RFX3: variants seen among roughly 807,000 people sequenced by gnomAD.
RFX3 encodes regulatory factor X3, also known as transcription factor RFX3.
Under a neutral mutation model 98.6 loss-of-function variants are expected in RFX3, and 14 were observed. The ratio of observed to expected loss-of-function variants is 0.14; its 90% CI spans 0.09 to 0.22. The LOEUF is 0.22. Ranked by LOEUF, RFX3 falls within the 10% of genes least tolerant of loss-of-function variation. RFX3 has a pLI of 1.00. For synonymous variants in RFX3, 383 were observed against 328.4 expected, an observed-to-expected ratio of 1.17 and a Z score of -1.80; for missense variants, 639 against 926.9, an observed-to-expected ratio of 0.69 and a Z score of 4.03.
intron 1 of RFX3, among the ~76,000 whole-genome samples, chr9:3,415,221 A>T (rs898179673): frequency 6.9e-6 from 1 of 145,256 alleles, no homozygotes; most frequent in Non-Finnish European, 1.5e-5. Context: ...ATACTCATAT[A>T]TATATATATA....
At chr9:3,498,504 A>T (rs1425980956) in intron 1 of RFX3, among the ~76,000 whole-genome samples, 6 of 152,078 alleles carry the variant, frequency 3.9e-5, no homozygotes, top group African/African-American at 1.4e-4. Context: ...TCTAAAAAGC[A>T]TTATTTTGCT....
chr9:3,470,067 C>G (rs796427440), intron 1 of RFX3, among the ~76,000 whole-genome samples: 1 of 152,194 alleles, frequency 6.6e-6, no homozygotes, highest in African/African-American at 2.4e-5. Context: ...AAAAATCAAA[C>G]ACATCTCAGA....
intron 2 of RFX3, among the ~76,000 whole-genome samples, chr9:3,374,349 A>C (rs1838210671): frequency 1.3e-5 from 2 of 152,220 alleles, no homozygotes; most frequent in African/African-American, 4.8e-5. Context: ...AATTGAAAGC[A>C]GAGCCTAAAA....
At chr9:3,462,107 G>A (rs925656473) in intron 1 of RFX3, among the ~76,000 whole-genome samples, 6 of 151,708 alleles carry the variant, frequency 4.0e-5, no homozygotes, top group Admixed American at 6.6e-5. Context: ...GTTTAAAAAA[G>A]AAAAAAGTGA....
At chr9:3,246,805 T>C (rs1820738837) in intron 15 of RFX3, among the ~76,000 whole-genome samples, 1 of 152,118 alleles carries the variant, frequency 6.6e-6, no homozygotes, top group Non-Finnish European at 1.5e-5. Context: ...CACACATATA[T>C]TTGGCATCAT....
chr9:3,419,427 C>A (rs920632124), intron 1 of RFX3, among the ~76,000 whole-genome samples: 1 of 152,016 alleles, frequency 6.6e-6, no homozygotes, highest in Non-Finnish European at 1.5e-5. Flanking sequence ...CTTAAAAATA[C>A]CATATTTTAA....
chr9:3,504,961 A>G (rs1816755279), intron 1 of RFX3, among the ~76,000 whole-genome samples: 1 of 79,428 alleles, frequency 1.3e-5, no homozygotes, highest in Non-Finnish European at 2.2e-5. Context: ...TATATATTAT[A>G]TATAATATAT....
intron 1 of RFX3, among the ~76,000 whole-genome samples, chr9:3,504,755 A>C (rs1170233012): frequency 1.0e-5 from 1 of 99,862 alleles, no homozygotes; most frequent in Non-Finnish European, 1.7e-5. Flanking sequence ...ATTGTATATA[A>C]AATATATGCT....
At chr9:3,256,922 A>G in intron 14 of RFX3, 69 bp downstream of exon 14, 1 of 1,394,520 alleles carries the variant, frequency 7.2e-7, no homozygotes. Context: ...ACAGAAGCAT[A>G]TACAAACACA....
At chr9:3,500,141 A>G (rs1192982083) in intron 1 of RFX3, among the ~76,000 whole-genome samples, 6 of 152,166 alleles carry the variant, frequency 3.9e-5, no homozygotes, top group Non-Finnish European at 7.4e-5. Flanking sequence ...CAAGAAATCA[A>G]CAATAAAGGA....
At position 3,427,987 on chromosome 9, in the gene RFX3, G is replaced by T. The variant is rs186930402; in HGVS notation, c.-8-32391C>A. ...GTTTCTGCTTGGACTCCAAGTCCTT[G>T]TTACATAGTCAGGAAAATGTCCCTA... is the stretch of plus-strand genomic sequence containing the variant. On this transcript the variant is annotated intron_variant, in intron 1 of 16. Coordinates refer to ENST00000617270, the MANE Select transcript of RFX3 (RefSeq NM_001282116.2). Among the ~76,000 whole-genome samples the T allele has an allele frequency of 6.8e-4, 104 of 152,150 alleles. 2 individuals carry two copies. The highest frequency in any genetic ancestry group is 2.5e-3 in the African/African-American group (104 of 41,502).
intron 3 of RFX3, among the ~76,000 whole-genome samples, chr9:3,343,198 A>G (rs1302721162): frequency 6.6e-6 from 1 of 152,214 alleles, no homozygotes; most frequent in East Asian, 1.9e-4. Flanking sequence ...TTATGGCTAC[A>G]TGACATGGGG....
At chr9:3,364,293 A>G (rs1173628210) in intron 2 of RFX3, 1 of 154,628 alleles carries the variant, frequency 6.5e-6, no homozygotes, top group East Asian at 1.9e-4. Flanking sequence ...CATTTTAGTA[A>G]TTGACTAGGT....
chr9:3,414,698 GAGTA>G (rs1842765722), intron 1 of RFX3, among the ~76,000 whole-genome samples: 2 of 68,606 alleles, frequency 2.9e-5, no homozygotes, highest in African/African-American at 6.5e-5. Flanking sequence ...ATGTATATAT[GAGTA>G]TATATGAGTA....
chr9:3,292,405 TGTTTC>T lies in RFX3; in HGVS notation c.731+667_731+671del, dbSNP rs1255931042. 3.3e-5 allele frequency among the ~76,000 whole-genome samples: 5 copies of T among 152,290 alleles called. No homozygotes were observed. In the East Asian group the frequency reaches 5.8e-4, roughly 18 times the overall value. ...AAAACCAGAAACAACTTCTTCACATTGTTTCAATTCAATTGAACTATACTATGTTT... is the reference window on the plus strand; with the variant it reads ...AAAACCAGAAACAACTTCTTCACATTAATTCAATTGAACTATACTATGTTT... On this transcript the variant is annotated intron_variant, in intron 6 of 16. Transcript: ENST00000617270.
At chr9:3,396,650 C>T (rs1381008605) in intron 1 of RFX3, among the ~76,000 whole-genome samples, 1 of 152,176 alleles carries the variant, frequency 6.6e-6, no homozygotes, top group Non-Finnish European at 1.5e-5. Context: ...AGTTTATGGT[C>T]CCATCAACAG....
intron 2 of RFX3, among the ~76,000 whole-genome samples, chr9:3,365,644 C>G (rs1281818774): frequency 6.6e-6 from 1 of 152,144 alleles, no homozygotes; most frequent in African/African-American, 2.4e-5. Flanking sequence ...CTGCATTTTA[C>G]TGATCCCAGT....
intron 2 of RFX3, among the ~76,000 whole-genome samples, chr9:3,347,539 G>A (rs964750485): frequency 2.6e-5 from 4 of 151,896 alleles, no homozygotes; most frequent in African/African-American, 9.7e-5. Flanking sequence ...AGTAATTCCA[G>A]AAGGCCGGGT....
chr9:3,437,382 T>C (rs1292609490), intron 1 of RFX3, among the ~76,000 whole-genome samples: 1 of 152,090 alleles, frequency 6.6e-6, no homozygotes, highest in Non-Finnish European at 1.5e-5. Flanking sequence ...CTGCATTTAA[T>C]GGGGAGGTAC....
Sources: allele counts gnomAD v4.1 joint callset (sites outside exome capture counted in the v4.1 genomes callset), GRCh38; gene constraint gnomAD v4.1.1; transcripts MANE v1.5; gene names NCBI Gene and HGNC (gene_info 2026-07-23, HGNC 2026-07-21).